SUZ12: variants seen among roughly 807,000 people sequenced by gnomAD.
The protein encoded by SUZ12 is polycomb protein SUZ12.
SUZ12 carries 17 observed loss-of-function variants against 87.3 expected under a neutral mutation model. The observed-to-expected ratio is 0.19, with a 90% CI of 0.13 to 0.29. SUZ12 has a LOEUF of 0.29. Among genes scored for constraint, SUZ12 ranks in the 10% least tolerant of loss-of-function variants. The probability of loss-of-function intolerance (pLI) is 1.00; values close to 1 mark genes in which losing one functional copy is unlikely to be tolerated. For missense variants in SUZ12, 526 were observed against 912.2 expected, an observed-to-expected ratio of 0.58 and a Z score of 5.45; for synonymous variants, 253 against 312.4, an observed-to-expected ratio of 0.81 and a Z score of 2.01.
At chr17:31,958,015 G>C (rs1049212252) in intron 4 of SUZ12, among the ~76,000 whole-genome samples, 1 of 146,182 alleles carries the variant, frequency 6.8e-6, no homozygotes, top group African/African-American at 2.5e-5. Context: ...CCATTCTCCT[G>C]CCTCAGCCTC....
intron 8 of SUZ12, among the ~76,000 whole-genome samples, chr17:31,979,170 A>C (rs1908949277): frequency 6.6e-6 from 1 of 151,248 alleles, no homozygotes; most frequent in African/African-American, 2.4e-5. Flanking sequence ...AAAGTCATTT[A>C]ATATCCACAT....
At chr17:31,961,723 A>G (rs966389545) in intron 4 of SUZ12, among the ~76,000 whole-genome samples, 7 of 152,204 alleles carry the variant, frequency 4.6e-5, no homozygotes, top group Non-Finnish European at 5.9e-5. Flanking sequence ...CATTTTTCTT[A>G]ATGACCTCAG....
At chr17:31,944,574 C>T (rs1451181899) in intron 3 of SUZ12, among the ~76,000 whole-genome samples, 8 of 151,818 alleles carry the variant, frequency 5.3e-5, no homozygotes, top group African/African-American at 1.7e-4. Context: ...AATTATTGCC[C>T]TTTAGGTTAA....
chr17:31,975,442 T>C lies in SUZ12; in HGVS notation c.592-40T>C, dbSNP rs749857821. On this transcript the variant is annotated intron_variant, in intron 6 of 15. Coordinates refer to ENST00000322652, the MANE Select transcript of SUZ12 (RefSeq NM_015355.4). ...GTTTTATTATAATTCTTATTGCTTA[T>C]ATACAAATAAATATAAATTAATAAT... 9 of 1,369,254 alleles carry C rather than the reference T, an allele frequency of 6.6e-6. 1 individual carries two copies. The Admixed American group carries it at 1.2e-4, about 18-fold the overall frequency. The allele number at this position is 1,369,254 out of a possible 1,614,324, so 84.8% of individuals were successfully genotyped here.
At position 31,980,429 on chromosome 17, in the gene SUZ12, C is replaced by CTTTT. The variant is rs58491591; in HGVS notation, c.918-2536_918-2533dup. ...TAAGATATACCAGAATCACCTTCTCCTTTTTTTTTTTTTTTTTTTTTTTTT... is the reference window on the plus strand; with the variant it reads ...TAAGATATACCAGAATCACCTTCTCCTTTTTTTTTTTTTTTTTTTTTTTTTTTTT... On this transcript the variant is annotated intron_variant, in intron 8 of 15. Coordinates refer to ENST00000322652, the MANE Select transcript of SUZ12 (RefSeq NM_015355.4). Among the ~76,000 whole-genome samples the CTTTT allele has an allele frequency of 6.3e-3, 340 of 53,820 alleles. 63 individuals carry two copies. Among genetic ancestry groups the CTTTT allele is most frequent in the East Asian group, 0.015 (11 of 730 alleles). 35.3% of individuals were successfully genotyped at this position (53,820 alleles called of 152,430 possible).
chr17:31,963,386 A>ACCCGCCTCATCTCCCAT (rs1266984444), intron 4 of SUZ12, among the ~76,000 whole-genome samples: 15 of 151,732 alleles, frequency 9.9e-5, no homozygotes, highest in African/African-American at 3.6e-4. Context: ...CTCGTGATCC[A>ACCCGCCTCATCTCCCAT]CCCGCCTCAT....
At chr17:31,957,492 A>G (rs1236718742) in intron 4 of SUZ12, among the ~76,000 whole-genome samples, 1 of 151,732 alleles carries the variant, frequency 6.6e-6, no homozygotes, top group Non-Finnish European at 1.5e-5. Flanking sequence ...GCTCACTGCA[A>G]CTTCCACCTC....
chr17:31,996,978 A>G, intron 15 of SUZ12, 101 bp downstream of exon 15: 1 of 804,866 alleles, frequency 1.2e-6, no homozygotes, highest in East Asian at 3.4e-5. Context: ...CTTATTTAAA[A>G]TTCCATTAAT....
chr17:31,980,250 G>A (rs1336532963), intron 8 of SUZ12, among the ~76,000 whole-genome samples: 2 of 151,666 alleles, frequency 1.3e-5, no homozygotes, highest in Non-Finnish European at 2.9e-5. Flanking sequence ...AATCAGTATG[G>A]ATTAACAAAT....
chr17:31,956,020 C>A (rs1907310533), intron 4 of SUZ12, among the ~76,000 whole-genome samples: 1 of 151,980 alleles, frequency 6.6e-6, no homozygotes, highest in Non-Finnish European at 1.5e-5. Context: ...TCACGCCATT[C>A]TTCTGCCTCA....
At chr17:31,963,148 TA>T (rs1196682169) in intron 4 of SUZ12, among the ~76,000 whole-genome samples, 7,167 of 147,148 alleles carry the variant, frequency 0.049, no homozygotes, top group African/African-American at 0.17. Flanking sequence ...TACGATTATT[TA>T]TTATTATTAT....
intron 10 of SUZ12, among the ~76,000 whole-genome samples, chr17:31,989,271 A>G (rs906237594): frequency 1.3e-5 from 2 of 152,020 alleles, no homozygotes; most frequent in East Asian, 1.9e-4. Context: ...TGGGTAGGTT[A>G]TGAATCATGG....
rs901750069 is a variant in SUZ12, at chr17:31,937,338, T to TGGCGGC, written c.97_102dup (p.Ala33_Ala34dup). The TGGCGGC allele has an allele frequency of 1.4e-6, 2 of 1,472,972 alleles. No individual in the cohort carries two copies. Among genetic ancestry groups the TGGCGGC allele is most frequent in the East Asian group, 2.9e-5 (1 of 34,296 alleles). The allele number at this position is 1,472,972 out of a possible 1,614,324, so 91.2% of individuals were successfully genotyped here. On this transcript the variant is annotated inframe_insertion, in exon 1 of 16. Coordinates refer to ENST00000322652, the MANE Select transcript of SUZ12 (RefSeq NM_015355.4). The stretch of plus-strand genomic sequence containing the variant: ...GGCGGCTTCGGGGGTTCGGCGGCGG[T>TGGCGGC]GGCGGCGGCGACGGCTTCGGGCGGC...
intron 8 of SUZ12, among the ~76,000 whole-genome samples, chr17:31,981,299 TAAG>T (rs757226130): frequency 1.3e-5 from 2 of 152,138 alleles, no homozygotes; most frequent in Non-Finnish European, 2.9e-5. Context: ...AAAGAAACAA[TAAG>T]AAGTTTACCA....
chr17:31,948,877 C>T (rs765594667), intron 4 of SUZ12, among the ~76,000 whole-genome samples: 26 of 152,138 alleles, frequency 1.7e-4, no homozygotes, highest in African/African-American at 2.9e-4. Context: ...TCGCAGTGCA[C>T]GCACATTTTT....
chr17:31,989,288 A>G (rs1446458793), intron 10 of SUZ12, among the ~76,000 whole-genome samples: 1 of 152,104 alleles, frequency 6.6e-6, no homozygotes, highest in East Asian at 1.9e-4. Flanking sequence ...ATGGTAAATT[A>G]AGGTTCTCCT....
At chr17:31,979,608 C>G (rs1567830666) in intron 8 of SUZ12, among the ~76,000 whole-genome samples, 1 of 152,226 alleles carries the variant, frequency 6.6e-6, no homozygotes, top group East Asian at 1.9e-4. Context: ...TGATTAGCTT[C>G]AGGTTAAATA....
chr17:31,937,218 G>C lies in SUZ12; in HGVS notation c.-29G>C. On this transcript the variant is annotated 5_prime_UTR_variant, in exon 1 of 16. Coordinates refer to ENST00000322652, the MANE Select transcript of SUZ12 (RefSeq NM_015355.4). ...GCTCTCCGGGGCCGCCCGGCGGGTA[G>C]CTGGCGGGGGGAGGAGGCAGGAACC... The C allele has an allele frequency of 7.1e-7, 1 of 1,399,024 alleles. No homozygotes were observed. Among genetic ancestry groups the C allele is most frequent in the Non-Finnish European group, 9.2e-7 (1 of 1,087,456 alleles). The allele number at this position is 1,399,024 out of a possible 1,614,324, so 86.7% of individuals were successfully genotyped here.
intron 5 of SUZ12, among the ~76,000 whole-genome samples, chr17:31,969,723 A>G (rs969088078): frequency 1.3e-5 from 2 of 152,202 alleles, no homozygotes; most frequent in Non-Finnish European, 2.9e-5. Flanking sequence ...AAACCAGGAT[A>G]GAAAACCAAC....
Sources: allele counts gnomAD v4.1 joint callset (sites outside exome capture counted in the v4.1 genomes callset), GRCh38; gene constraint gnomAD v4.1.1; transcripts MANE v1.5; gene names NCBI Gene and HGNC (gene_info 2026-07-23, HGNC 2026-07-21).